The following OTULIN variants were observed in gnomAD, a reference collection of about 807,000 sequenced individuals.
OTULIN encodes the protein OTU deubiquitinase with linear linkage specificity, also known as ubiquitin thioesterase otulin.
Under a neutral mutation model 39.6 loss-of-function variants are expected in OTULIN, and 15 were observed. The observed-to-expected ratio is 0.38, with a 90% CI of 0.25 to 0.58. OTULIN has a LOEUF of 0.58. Among genes scored for constraint, OTULIN ranks in the 20% least tolerant of loss-of-function variants. OTULIN has a pLI of 0.66. For synonymous variants in OTULIN, 156 were observed against 170.3 expected (o/e 0.92, Z 0.65); for missense variants, 319 against 445.9 (o/e 0.72, Z 2.56).
chr5:14,664,793 G>T lies in OTULIN; in HGVS notation c.-33G>T. The T allele has an allele frequency of 8.4e-7, 1 of 1,189,708 alleles. No individual in the cohort carries two copies. Among genetic ancestry groups the T allele is most frequent in the Non-Finnish European group, 1.0e-6 (1 of 959,214 alleles). 73.7% of individuals were successfully genotyped at this position (1,189,708 alleles called of 1,614,324 possible). A position where few individuals can be genotyped will look rare whatever the true frequency, so the allele number is the denominator to read the frequency against. ...CGGGAGGGGCTCCGGATCGTTCGGA[G>T]CCGGCTGAACCCCTTCGGCCGCGAG... is the stretch of plus-strand genomic sequence containing the variant. On this transcript the variant is annotated 5_prime_UTR_variant, in exon 1 of 7. Coordinates refer to ENST00000284274, the MANE Select transcript of OTULIN (RefSeq NM_138348.6).
the OTULIN span, chr5:14,713,797 G>T: frequency 7.5e-7 from 1 of 1,329,932 alleles, no homozygotes; most frequent in Non-Finnish European, 1.1e-6. The surrounding 1 kb of genome is among the most constrained non-coding windows in gnomAD (Gnocchi z 4.4). Flanking sequence ...TTGAGCCGCT[G>T]GCCACCTCAT....
intron 1 of OTULIN, among the ~76,000 whole-genome samples, chr5:14,665,909 C>T (rs2126809971): frequency 6.6e-6 from 1 of 152,316 alleles, no homozygotes; most frequent in African/African-American, 2.4e-5. Context: ...GTTATTCACA[C>T]TTAATGGGTT....
chr5:14,714,062 G>A, the OTULIN span, among the ~76,000 whole-genome samples: 1 of 152,286 alleles, frequency 6.6e-6, no homozygotes, highest in Non-Finnish European at 1.5e-5. Context: ...TGCGTGAGCA[G>A]AAAAGCTGGC....
chr5:14,678,405 C>T (rs1456674149), intron 2 of OTULIN, among the ~76,000 whole-genome samples: 2 of 152,170 alleles, frequency 1.3e-5, no homozygotes, highest in Non-Finnish European at 2.9e-5. Flanking sequence ...TAATTGATAC[C>T]ATCTGATTCA....
At chr5:14,713,810 TC>T in the OTULIN span, 28 of 1,221,986 alleles carry the variant, frequency 2.3e-5, no homozygotes, top group Non-Finnish European at 3.3e-5. This position sits in a 1 kb window ranked among gnomAD's most constrained non-coding sequence, Gnocchi z 4.4. Context: ...CACCTCATCT[TC>T]CTGCCAGGGT....
In OTULIN at chr5:14,697,687, T is replaced by C. The variant is rs1201092442; in HGVS notation, c.*4639T>C. 1.3e-5 allele frequency: 2 copies of C among 152,198 alleles called. No homozygotes were observed. Among genetic ancestry groups the C allele is most frequent in the Non-Finnish European group, 2.9e-5 (2 of 68,020 alleles). The allele number at this position is 152,198 out of a possible 1,614,324, so 9.4% of individuals were successfully genotyped here. A position where few individuals can be genotyped will look rare whatever the true frequency, so the allele number is the denominator to read the frequency against. On this transcript the variant is annotated 3_prime_UTR_variant, in exon 7 of 7. Transcript: ENST00000284274. ...AGTTTGTTTAAGCATTGTGAATGCT[T>C]TTTAATAGCATTCATTAGCATTAAT...
chr5:14,677,869 G>T (rs138757591), intron 2 of OTULIN, among the ~76,000 whole-genome samples: 97 of 152,308 alleles, frequency 6.4e-4, no homozygotes, highest in Middle Eastern at 6.8e-3. Context: ...ATTACTCATT[G>T]TTAGAAGTGT....
At position 14,695,923 on chromosome 5, in the gene OTULIN, T is replaced by G. The variant is rs1322439458; in HGVS notation, c.*2875T>G. On this transcript the variant is annotated 3_prime_UTR_variant, in exon 7 of 7. Coordinates refer to ENST00000284274, the MANE Select transcript of OTULIN (RefSeq NM_138348.6). Reference sequence around the variant, plus strand: ...ATTTAGCGATTTACACTTTTGTTACTCTATTATATATTCAGTTAGTGTCTG... The same window carrying G: ...ATTTAGCGATTTACACTTTTGTTACGCTATTATATATTCAGTTAGTGTCTG... 6.6e-6 allele frequency: 1 copy of G among 152,146 alleles called. No individual in the cohort carries two copies. Among genetic ancestry groups the G allele is most frequent in the East Asian group, 1.9e-4 (1 of 5,200 alleles). 9.4% of individuals were successfully genotyped at this position (152,146 alleles called of 1,614,324 possible). A position where few individuals can be genotyped will look rare whatever the true frequency, so the allele number is the denominator to read the frequency against.
Position 14,683,907 on chromosome 5 carries a change from G to C in OTULIN, c.468+2300G>C, listed in dbSNP as rs556802046. Among the ~76,000 whole-genome samples, 99 of 152,172 alleles carry C rather than the reference G, an allele frequency of 6.5e-4. No individual in the cohort carries two copies. In the South Asian group the frequency reaches 0.02, roughly 31 times the overall value. On this transcript the variant is annotated intron_variant, in intron 4 of 6. Coordinates refer to ENST00000284274, the MANE Select transcript of OTULIN (RefSeq NM_138348.6). ...TTTGCTAGCAGGATATATTGGGTAA[G>C]ATTATCTGCCATATTAAAAATAGTC...
chr5:14,702,490 A>G (rs1482115430), downstream of OTULIN, among the ~76,000 whole-genome samples: 1 of 152,212 alleles, frequency 6.6e-6, no homozygotes, highest in Non-Finnish European at 1.5e-5. Flanking sequence ...CCTGCCAGCC[A>G]TTTGTATACT....
At chr5:14,678,593 A>G in intron 2 of OTULIN, 88 bp from the exon 3 acceptor site, 7 of 921,240 alleles carry the variant, frequency 7.6e-6, no homozygotes, top group Non-Finnish European at 9.6e-6. Flanking sequence ...AAGAAAATGA[A>G]GAGTGAAGGG....
chr5:14,690,181 A>G lies in OTULIN; in HGVS notation c.737A>G (p.Asp246Gly). The G allele has an allele frequency of 6.2e-7, 1 of 1,614,230 alleles. No homozygotes were observed. The highest frequency in any genetic ancestry group is 8.5e-7 in the Non-Finnish European group (1 of 1,180,036). Residue 246 changes from aspartate (D) to glycine (G), a missense_variant, in exon 6 of 7, where the codon GAT becomes GGT. Physicochemically the swap from Asp to Gly is moderately conservative, Grantham distance 94. This residue lies in a region of OTULIN where 106 missense variants were observed against 192.8 expected (regional missense o/e 0.55). Coordinates refer to ENST00000284274, the MANE Select transcript of OTULIN (RefSeq NM_138348.6). This position sits in a 1 kb window ranked among gnomAD's most constrained non-coding sequence, Gnocchi z 4.5. ...AACAGAGCCATTGAACTATATAATG[A>G]TAAAGAGAAAGGAAAGGAAGTACCA... ...MLNRAIELYN[D>G]KEKGKEVPFF...
At chr5:14,706,802 G>C in the OTULIN span, 1 of 152,204 alleles carries the variant, frequency 6.6e-6, no homozygotes, top group Non-Finnish European at 1.5e-5. Flanking sequence ...TAACCACACA[G>C]AGGAGTATCC....
downstream of OTULIN, among the ~76,000 whole-genome samples, chr5:14,701,011 G>C (rs1363785777): frequency 1.3e-5 from 2 of 152,184 alleles, no homozygotes; most frequent in African/African-American, 4.8e-5. Flanking sequence ...TAGAACAGGA[G>C]GAGGGAGCCA....
chr5:14,681,150 C>A lies in OTULIN; in HGVS notation c.325-314C>A, dbSNP rs79466655. ...CACATACACAAAGCACCCCCGCCCC[C>A]CTTTGTGTTTTGGAAACTTGGGGTT... is the stretch of plus-strand genomic sequence containing the variant. On this transcript the variant is annotated intron_variant, in intron 3 of 6. Transcript: ENST00000284274. Among the ~76,000 whole-genome samples, 142 of 152,246 alleles carry A rather than the reference C, an allele frequency of 9.3e-4. 1 individual carries two copies. Among genetic ancestry groups the A allele is most frequent in the Admixed American group, 3.9e-4 (6 of 15,292 alleles).
chr5:14,681,544 G>A lies in OTULIN; in HGVS notation c.405G>A (p.Leu135=). 6.2e-7 allele frequency: 1 copy of A among 1,614,120 alleles called. No homozygotes were observed. Residue 135 remains leucine (L), a synonymous_variant, in exon 4 of 7, where the codon CTG becomes CTA. Transcript: ENST00000284274. ...ATTACTGTGCACTGAGGGCCACGCTGTTCCAGGCCATGAGCCAGGCTGTGG... is the reference window on the plus strand; with the variant it reads ...ATTACTGTGCACTGAGGGCCACGCTATTCCAGGCCATGAGCCAGGCTGTGG... The part of the protein sequence containing the change: ...GDNYCALRAT[L]FQAMSQAVGL...
chr5:14,678,301 A>C (rs1736156950), intron 2 of OTULIN, among the ~76,000 whole-genome samples: 2 of 152,098 alleles, frequency 1.3e-5, no homozygotes. Context: ...TCAGTGGGGA[A>C]TGGTAGGAGC....
At chr5:14,674,189 T>C (rs1331366555) in intron 2 of OTULIN, 1 of 154,036 alleles carries the variant, frequency 6.5e-6, no homozygotes, top group Non-Finnish European at 1.4e-5. Context: ...TTCATGTCTG[T>C]GTTTTTCTTG....
chr5:14,673,884 G>T, intron 2 of OTULIN, 166 bp downstream of exon 2: 3 of 478,752 alleles, frequency 6.3e-6, no homozygotes, highest in East Asian at 3.6e-5. Flanking sequence ...GTTTCCTGAG[G>T]CTTTTAAATT....
Sources: gnomAD v4.1 joint callset for allele counts (sites outside exome capture counted in the v4.1 genomes callset) on GRCh38, gnomAD v4.1.1 for gene constraint, gnomAD v4.1.1 regional missense constraint, Gnocchi (gnomAD v3.1) non-coding constraint, MANE v1.5 for transcripts, NCBI Gene and HGNC (gene_info 2026-07-23, HGNC 2026-07-21) for gene names.